The following CTNNA3 variants were observed in gnomAD, a reference collection of about 807,000 sequenced individuals.
CTNNA3 encodes the protein catenin alpha-3.
In CTNNA3, 76 loss-of-function variants were observed where a neutral mutation model predicts 95.7. The ratio of observed to expected loss-of-function variants is 0.79; its 90% CI spans 0.66 to 0.96. The LOEUF is 0.96. CTNNA3 is among the 40% of genes least tolerant of loss of function. The pLI is 0.00. For synonymous variants in CTNNA3, 431 were observed against 374.4 expected (o/e 1.15, Z -1.74); for missense variants, 1,191 against 1,089.8 (o/e 1.09, Z -1.31).
intron 5 of CTNNA3, among the ~76,000 whole-genome samples, chr10:67,497,132 C>T (rs1839050417): frequency 6.6e-6 from 1 of 152,030 alleles, no homozygotes; most frequent in Non-Finnish European, 1.5e-5. Context: ...CCTCCCTGTG[C>T]CCATGTATTC....
rs938055666 is a variant in CTNNA3 at position 66,797,163 on chromosome 10, T to G, written c.1048-21639A>C. On this transcript the variant is annotated intron_variant, in intron 7 of 17. Coordinates refer to ENST00000433211, the MANE Select transcript of CTNNA3 (RefSeq NM_013266.4). ...CAAGTGATTATGTTTTCTTTATTTATTCTCAGTGTTTATTCCCAATTCCTC... is the reference window on the plus strand; with the variant it reads ...CAAGTGATTATGTTTTCTTTATTTAGTCTCAGTGTTTATTCCCAATTCCTC... Among the ~76,000 whole-genome samples the G allele has an allele frequency of 2.6e-5, 4 of 152,084 alleles. No homozygotes were observed. In the East Asian group the frequency reaches 7.7e-4, roughly 29 times the overall value.
intron 10 of CTNNA3, among the ~76,000 whole-genome samples, chr10:66,601,278 G>GA (rs1220473467): frequency 4.6e-5 from 7 of 151,390 alleles, no homozygotes; most frequent in Middle Eastern, 3.4e-3. Flanking sequence ...TTGAGAAATT[G>GA]AAAAAAAAGT....
At chr10:66,730,980 T>A (rs1432043387) in intron 9 of CTNNA3, among the ~76,000 whole-genome samples, 1 of 152,166 alleles carries the variant, frequency 6.6e-6, no homozygotes, top group Non-Finnish European at 1.5e-5. Flanking sequence ...AAGGTAATAT[T>A]TTATAAAATT....
chr10:66,090,894 G>A (rs140032885), intron 14 of CTNNA3, among the ~76,000 whole-genome samples: 141 of 152,022 alleles, frequency 9.3e-4, no homozygotes, highest in African/African-American at 3.3e-3. Context: ...GTTACTCACT[G>A]ATTAAAAATA....
At chr10:66,875,896 A>G (rs1844600365) in intron 7 of CTNNA3, among the ~76,000 whole-genome samples, 1 of 152,140 alleles carries the variant, frequency 6.6e-6, no homozygotes, top group African/African-American at 2.4e-5. Flanking sequence ...TTTTATGTAC[A>G]GTATAAATGC....
intron 14 of CTNNA3, among the ~76,000 whole-genome samples, chr10:66,092,929 T>A (rs2081265853): frequency 6.6e-6 from 1 of 151,902 alleles, no homozygotes; most frequent in Admixed American, 6.6e-5. Context: ...AAAAAAGATA[T>A]CTTTTTAATT....
intron 1 of CTNNA3, among the ~76,000 whole-genome samples, chr10:67,716,033 T>C (rs1841140847): frequency 6.6e-6 from 1 of 152,182 alleles, no homozygotes; most frequent in African/African-American, 2.4e-5. Flanking sequence ...TACTATAAGG[T>C]ACTCTGGATA....
At chr10:67,547,995 C>T (rs1361324988) in intron 3 of CTNNA3, among the ~76,000 whole-genome samples, 1 of 152,154 alleles carries the variant, frequency 6.6e-6, no homozygotes, top group Non-Finnish European at 1.5e-5. Flanking sequence ...TGACTGATAT[C>T]GCTTAGATGT....
intron 9 of CTNNA3, among the ~76,000 whole-genome samples, chr10:66,657,727 A>G (rs1846117819): frequency 6.6e-6 from 1 of 152,212 alleles, no homozygotes; most frequent in African/African-American, 2.4e-5. Context: ...TTTCAATAAC[A>G]TGCAGCAATC....
intron 7 of CTNNA3, among the ~76,000 whole-genome samples, chr10:67,134,720 T>C (rs1589778935): frequency 6.6e-6 from 1 of 152,272 alleles, no homozygotes; most frequent in South Asian, 2.1e-4. Flanking sequence ...AGTTTAGTGA[T>C]AGGACAAATT....
At chr10:66,383,727 A>G (rs1019180420) in intron 11 of CTNNA3, among the ~76,000 whole-genome samples, 46 of 152,240 alleles carry the variant, frequency 3.0e-4, no homozygotes, top group African/African-American at 9.9e-4. Flanking sequence ...AGGGAAGCCC[A>G]TCAGACTAAC....
intron 3 of CTNNA3, among the ~76,000 whole-genome samples, chr10:67,596,343 C>A (rs1842931725): frequency 6.6e-6 from 1 of 152,060 alleles, no homozygotes; most frequent in Admixed American, 6.5e-5. Flanking sequence ...TACAATCAGA[C>A]CTTGGTGATG....
chr10:66,930,799 A>G (rs1451265240), intron 7 of CTNNA3, among the ~76,000 whole-genome samples: 2 of 152,178 alleles, frequency 1.3e-5, no homozygotes, highest in African/African-American at 4.8e-5. Flanking sequence ...TTACTAATAA[A>G]CATAATAATA....
intron 9 of CTNNA3, among the ~76,000 whole-genome samples, chr10:66,687,584 T>A (rs1847344643): frequency 6.6e-6 from 1 of 151,860 alleles, no homozygotes; most frequent in South Asian, 2.1e-4. Context: ...TACAAACAGG[T>A]GATAAAATGA....
At chr10:66,268,447 C>T (rs570361339) in intron 13 of CTNNA3, among the ~76,000 whole-genome samples, 1 of 152,274 alleles carries the variant, frequency 6.6e-6, no homozygotes, top group East Asian at 1.9e-4. Flanking sequence ...TGTGAGAAAG[C>T]CAAGCCCCAT....
chr10:67,677,058 G>C (rs1306505844), intron 1 of CTNNA3, among the ~76,000 whole-genome samples: 1 of 152,114 alleles, frequency 6.6e-6, no homozygotes, highest in Non-Finnish European at 1.5e-5. Context: ...GTCTTCTCCT[G>C]TTTGAAGGCT....
chr10:67,150,067 T>C (rs1199398780), intron 7 of CTNNA3, among the ~76,000 whole-genome samples: 12 of 152,212 alleles, frequency 7.9e-5, no homozygotes, highest in Non-Finnish European at 1.8e-4. Flanking sequence ...AGAAAGGTTA[T>C]AAAAGATCGA....
At chr10:66,970,582 A>T (rs1849666848) in intron 7 of CTNNA3, among the ~76,000 whole-genome samples, 1 of 152,080 alleles carries the variant, frequency 6.6e-6, no homozygotes, top group African/African-American at 2.4e-5. Context: ...ATGCCAAGAA[A>T]ATACATTTCA....
At chr10:66,481,094 T>C (rs549663365) in intron 11 of CTNNA3, among the ~76,000 whole-genome samples, 1 of 152,298 alleles carries the variant, frequency 6.6e-6, no homozygotes, top group South Asian at 2.1e-4. Flanking sequence ...AAAAATTCCA[T>C]GCAGTTCACA....
Sources: gnomAD v4.1 joint callset for allele counts (sites outside exome capture counted in the v4.1 genomes callset) on GRCh38, gnomAD v4.1.1 for gene constraint, MANE v1.5 for transcripts, NCBI Gene and HGNC (gene_info 2026-07-23, HGNC 2026-07-21) for gene names.